LINGO2: variants seen among roughly 807,000 people sequenced by gnomAD.
LINGO2 encodes leucine-rich repeat and immunoglobulin-like domain-containing nogo receptor-interacting protein 2.
Under a neutral mutation model 30.6 loss-of-function variants are expected in LINGO2, and 14 were observed. The observed-to-expected ratio is 0.46, with a 90% CI of 0.30 to 0.72. The LOEUF (loss-of-function observed/expected upper bound fraction) is 0.72. Among genes scored for constraint, LINGO2 ranks in the 30% least tolerant of loss-of-function variants. The pLI, the probability that LINGO2 is intolerant of heterozygous loss-of-function variation, is 0.07. For synonymous variants in LINGO2, 317 were observed against 288.5 expected (o/e 1.10, Z -1.00); for missense variants, 729 against 751.7 (o/e 0.97, Z 0.35).
At chr9:28,854,656 CTATT>C in the LINGO2 span, among the ~76,000 whole-genome samples, 1,370 of 151,938 alleles carry the variant, frequency 9.0e-3, 22 homozygotes, top group African/African-American at 0.032. Context: ...GTAATTTAGG[CTATT>C]TATTTATTTT....
the LINGO2 span, among the ~76,000 whole-genome samples, chr9:28,862,892 G>T: frequency 2.0e-5 from 3 of 152,030 alleles, no homozygotes; most frequent in African/African-American, 7.2e-5. Flanking sequence ...TCCATTCTTG[G>T]TAATCCTGAT....
intron 1 of LINGO2, among the ~76,000 whole-genome samples, chr9:28,582,927 T>C (rs1824332263): frequency 1.3e-5 from 2 of 152,078 alleles, no homozygotes; most frequent in South Asian, 2.1e-4. Context: ...TTAACTCCTC[T>C]AGTTGTTAGT....
At chr9:28,695,212 A>G in the LINGO2 span, among the ~76,000 whole-genome samples, 1 of 152,078 alleles carries the variant, frequency 6.6e-6, no homozygotes, top group East Asian at 1.9e-4. Context: ...AATCCTCACA[A>G]AAACTTAGTA....
the LINGO2 span, among the ~76,000 whole-genome samples, chr9:28,769,592 C>A: frequency 7.8e-6 from 1 of 127,428 alleles, no homozygotes; most frequent in East Asian, 2.2e-4. Context: ...TAGGTTTATT[C>A]AAAAATTTTG....
At chr9:28,303,588 A>G (rs1189633430) in intron 3 of LINGO2, among the ~76,000 whole-genome samples, 2 of 152,186 alleles carry the variant, frequency 1.3e-5, no homozygotes, top group Admixed American at 1.3e-4. Context: ...TTACTGTAAC[A>G]TAACAGTAGA....
intron 4 of LINGO2, among the ~76,000 whole-genome samples, chr9:28,231,130 G>A (rs1195480373): frequency 1.3e-5 from 2 of 151,304 alleles, no homozygotes. Context: ...TTTGACAGTG[G>A]GATCAATGAG....
intron 5 of LINGO2, among the ~76,000 whole-genome samples, chr9:28,011,935 C>T (rs1296951447): frequency 6.6e-6 from 1 of 150,724 alleles, no homozygotes; most frequent in East Asian, 1.9e-4. Context: ...CAGCTGTTAA[C>T]CCCAAGCCTC....
At chr9:28,762,101 C>A in the LINGO2 span, among the ~76,000 whole-genome samples, 2 of 152,002 alleles carry the variant, frequency 1.3e-5, no homozygotes, top group Admixed American at 1.3e-4. Flanking sequence ...CACTTAATTG[C>A]ATTCCTGCTT....
At chr9:28,837,661 C>CATATATATATATATAT in the LINGO2 span, among the ~76,000 whole-genome samples, 1 of 89,404 alleles carries the variant, frequency 1.1e-5, no homozygotes, top group Non-Finnish European at 2.0e-5. Context: ...TATATATATA[C>CATATATATATATATAT]ATATATATAT....
At chr9:29,002,019 T>C in the LINGO2 span, among the ~76,000 whole-genome samples, 1 of 152,036 alleles carries the variant, frequency 6.6e-6, no homozygotes, top group African/African-American at 2.4e-5. Context: ...TTGGTATAAC[T>C]TCTGTTTCTT....
At chr9:28,240,498 A>G (rs4601426) in intron 4 of LINGO2, among the ~76,000 whole-genome samples, 1 of 152,058 alleles carries the variant, frequency 6.6e-6, no homozygotes, top group African/African-American at 2.4e-5. Flanking sequence ...ACACACCTGC[A>G]GTAAACACAT....
chr9:28,992,297 A>G, the LINGO2 span, among the ~76,000 whole-genome samples: 1 of 152,206 alleles, frequency 6.6e-6, no homozygotes, highest in East Asian at 1.9e-4. Flanking sequence ...AAAGGGATCA[A>G]TACAACAAGA....
intron 4 of LINGO2, among the ~76,000 whole-genome samples, chr9:28,102,055 GC>G (rs1174453406): frequency 4.6e-5 from 7 of 152,036 alleles, no homozygotes; most frequent in Non-Finnish European, 1.0e-4. Flanking sequence ...CTCCCACTGA[GC>G]ATTTTGAATG....
chr9:28,959,377 T>C, the LINGO2 span, among the ~76,000 whole-genome samples: 1 of 151,338 alleles, frequency 6.6e-6, no homozygotes, highest in Non-Finnish European at 1.5e-5. Context: ...AGATCAGAGG[T>C]GAGGTCTAGA....
intron 2 of LINGO2, among the ~76,000 whole-genome samples, chr9:28,447,829 A>T (rs1824487137): frequency 6.6e-6 from 1 of 152,160 alleles, no homozygotes; most frequent in African/African-American, 2.4e-5. Context: ...TTTTATTGTG[A>T]TGCACTGGAT....
chr9:29,001,746 C>G, the LINGO2 span, among the ~76,000 whole-genome samples: 31 of 152,050 alleles, frequency 2.0e-4, no homozygotes, highest in African/African-American at 7.5e-4. Flanking sequence ...AATTTTCTCT[C>G]AAGAAGTTTA....
At chr9:28,366,143 T>C (rs2134538093) in intron 3 of LINGO2, among the ~76,000 whole-genome samples, 1 of 152,326 alleles carries the variant, frequency 6.6e-6, no homozygotes, top group South Asian at 2.1e-4. Context: ...TAACCTCCGT[T>C]GCTACCATAT....
intron 1 of LINGO2, among the ~76,000 whole-genome samples, chr9:28,611,066 A>G (rs1007389043): frequency 3.3e-5 from 5 of 152,194 alleles, no homozygotes; most frequent in South Asian, 4.1e-4. Flanking sequence ...GCTTCCTGAC[A>G]TAACAGTAGT....
At chr9:29,157,902 T>C in the LINGO2 span, among the ~76,000 whole-genome samples, 1 of 152,116 alleles carries the variant, frequency 6.6e-6, no homozygotes. Flanking sequence ...ATATACTATG[T>C]TTTCTAAGCT....
Sources: gnomAD v4.1 joint callset for allele counts (sites outside exome capture counted in the v4.1 genomes callset) on GRCh38, gnomAD v4.1.1 for gene constraint, MANE v1.5 for transcripts, NCBI Gene and HGNC (gene_info 2026-07-23, HGNC 2026-07-21) for gene names.